Variants in MSRA observed in about 807,000 individuals in gnomAD.
MSRA encodes methionine sulfoxide reductase A, also known as mitochondrial peptide methionine sulfoxide reductase.
In MSRA, 54 loss-of-function variants were observed where a neutral mutation model predicts 31.3. The observed-to-expected ratio is 1.73, with a 90% CI of 1.39 to 2.17. The LOEUF is 2.17. Among genes scored for constraint, MSRA ranks in the 30% most tolerant of loss-of-function variants. MSRA has a pLI of 0.00. For missense variants in MSRA, 507 were observed against 300.9 expected, an observed-to-expected ratio of 1.69 and a Z score of -5.07; for synonymous variants, 169 against 116.5, an observed-to-expected ratio of 1.45 and a Z score of -2.90.
intron 4 of MSRA, among the ~76,000 whole-genome samples, chr8:10,302,654 G>A (rs2129126134): frequency 6.6e-6 from 1 of 152,320 alleles, no homozygotes; most frequent in African/African-American, 2.4e-5. Flanking sequence ...CAGAGATGAG[G>A]CAAGAGCAGC....
intron 1 of MSRA, among the ~76,000 whole-genome samples, chr8:10,104,332 A>G (rs1031724688): frequency 3.3e-5 from 5 of 152,200 alleles, no homozygotes; most frequent in Non-Finnish European, 7.3e-5. Flanking sequence ...TATTTTGCCA[A>G]GGTTAAGGAT....
chr8:10,389,927 C>T (rs555324168), intron 5 of MSRA, among the ~76,000 whole-genome samples: 4 of 152,102 alleles, frequency 2.6e-5, no homozygotes, highest in Admixed American at 6.5e-5. Flanking sequence ...CAGGCCCAAA[C>T]GGTCAGATTC....
chr8:10,058,020 G>A (rs749250060), intron 1 of MSRA, among the ~76,000 whole-genome samples: 4 of 152,212 alleles, frequency 2.6e-5, no homozygotes, highest in Non-Finnish European at 5.9e-5. Context: ...GTGGGATCAG[G>A]TGTTTGGGAT....
At chr8:10,403,413 G>A (rs1320433681) in intron 5 of MSRA, among the ~76,000 whole-genome samples, 2 of 152,190 alleles carry the variant, frequency 1.3e-5, no homozygotes, top group Non-Finnish European at 2.9e-5. Flanking sequence ...AAGCTGGGAT[G>A]ATGGGATCCC....
At chr8:10,420,984 G>A (rs1428688359) in intron 5 of MSRA, among the ~76,000 whole-genome samples, 1 of 151,856 alleles carries the variant, frequency 6.6e-6, no homozygotes, top group African/African-American at 2.4e-5. Context: ...GTGACAGAGT[G>A]AGACCCTGTC....
At chr8:10,294,965 C>T (rs1049042121) in intron 3 of MSRA, among the ~76,000 whole-genome samples, 14 of 152,114 alleles carry the variant, frequency 9.2e-5, no homozygotes, top group African/African-American at 2.9e-4. Flanking sequence ...GAAAGACCTT[C>T]CCTGAAACTG....
chr8:10,313,271 A>G (rs545402402), intron 4 of MSRA, among the ~76,000 whole-genome samples: 2 of 152,334 alleles, frequency 1.3e-5, no homozygotes, highest in South Asian at 2.1e-4. Flanking sequence ...CTTTGAAGCA[A>G]CATATTGAAG....
rs548657203 is a variant in MSRA, at chr8:10,371,748, G to A, written c.543+51759G>A. On this transcript the variant is annotated intron_variant, in intron 5 of 5. Coordinates refer to ENST00000317173, the MANE Select transcript of MSRA (RefSeq NM_012331.5). The stretch of plus-strand genomic sequence containing the variant: ...TGGTGTTGCAGTTCCTACCATGCAA[G>A]CATAACCACGTCTGCCTTCTCCGCT... Among the ~76,000 whole-genome samples the A allele has an allele frequency of 7.9e-5, 12 of 152,244 alleles. No homozygotes were observed. The East Asian group carries it at 2.3e-3, about 29-fold the overall frequency.
Position 10,202,391 on chromosome 8 carries a change from C to T in MSRA, c.143-5442C>T, listed in dbSNP as rs566299475. 8.5e-5 allele frequency among the ~76,000 whole-genome samples: 13 copies of T among 152,310 alleles called. No individual in the cohort carries two copies. The South Asian group carries it at 2.5e-3, about 29-fold the overall frequency. ...CAGATTTCCCCTTATTCTTTTATCC[C>T]TAGAGCAATATATAGTGTGGGGGAT... On this transcript the variant is annotated intron_variant, in intron 1 of 5. Coordinates refer to ENST00000317173, the MANE Select transcript of MSRA (RefSeq NM_012331.5).
At position 10,406,698 on chromosome 8, in the gene MSRA, G is replaced by C. The variant is rs868346617; in HGVS notation, c.544-21450G>C. On this transcript the variant is annotated intron_variant, in intron 5 of 5. Transcript: ENST00000317173. ...ACAAAAGGTGGGTTTTCACAGATAA[G>C]CCATATCTCCCCTGCTCTGTGCTTG... Among the ~76,000 whole-genome samples the C allele has an allele frequency of 3.3e-5, 5 of 152,162 alleles. No individual in the cohort carries two copies. The South Asian group carries it at 8.3e-4, about 25-fold the overall frequency.
chr8:10,161,738 G>A (rs1478680583), intron 1 of MSRA, among the ~76,000 whole-genome samples: 2 of 152,030 alleles, frequency 1.3e-5, no homozygotes, highest in Admixed American at 6.6e-5. Flanking sequence ...CTTGGGTCTC[G>A]GGGTGTCTGC....
intron 1 of MSRA, among the ~76,000 whole-genome samples, chr8:10,119,426 C>T (rs975324118): frequency 1.3e-5 from 2 of 152,090 alleles, no homozygotes; most frequent in African/African-American, 4.8e-5. Flanking sequence ...TTTCTGCTGG[C>T]GATTAAGTCC....
At chr8:10,333,140 G>A (rs1459922803) in intron 5 of MSRA, among the ~76,000 whole-genome samples, 1 of 152,128 alleles carries the variant, frequency 6.6e-6, no homozygotes, top group Non-Finnish European at 1.5e-5. Context: ...AATAATCCTG[G>A]CCAACATAGG....
rs565698105 is a variant in MSRA, at chr8:10,335,084, C to T, written c.543+15095C>T. Among the ~76,000 whole-genome samples the T allele has an allele frequency of 2.5e-4, 38 of 152,278 alleles. No homozygotes were observed. The East Asian group carries it at 7.0e-3, about 28-fold the overall frequency. On this transcript the variant is annotated intron_variant, in intron 5 of 5. Transcript: ENST00000317173. The stretch of plus-strand genomic sequence containing the variant: ...ATGGTGCGTTGCAGGACGGGCCGGG[C>T]GCAGGGACCGCCCCCCGCACCGTGC...
At chr8:10,226,884 C>T (rs4394398) in intron 2 of MSRA, among the ~76,000 whole-genome samples, 40,093 of 152,048 alleles carry the variant, frequency 0.26, 7,037 homozygotes, top group Non-Finnish European at 0.4. Flanking sequence ...TCTTCTGGAC[C>T]GTGGTGCTAC....
chr8:10,301,388 C>G (rs1027976708), intron 3 of MSRA, 146 bp from the exon 4 acceptor site: 11 of 620,006 alleles, frequency 1.8e-5, no homozygotes, highest in Admixed American at 8.7e-5. Context: ...TTGAGAGAGA[C>G]TCTTAGCTAA....
chr8:10,171,682 G>C (rs1292882061), intron 1 of MSRA, among the ~76,000 whole-genome samples: 1 of 152,180 alleles, frequency 6.6e-6, no homozygotes. Flanking sequence ...TATATTACTG[G>C]AAAAAGCTAA....
At chr8:10,068,989 G>C (rs1195327535) in intron 1 of MSRA, among the ~76,000 whole-genome samples, 1 of 152,072 alleles carries the variant, frequency 6.6e-6, no homozygotes, top group Admixed American at 6.5e-5. Context: ...TAGGGATCTT[G>C]CACATATTTT....
At chr8:10,126,697 A>T (rs1266162862) in intron 1 of MSRA, among the ~76,000 whole-genome samples, 1 of 152,060 alleles carries the variant, frequency 6.6e-6, no homozygotes, top group African/African-American at 2.4e-5. Context: ...ATTTTTTAGT[A>T]GAGGTGGGAT....
Sources: gnomAD v4.1 joint callset for allele counts (sites outside exome capture counted in the v4.1 genomes callset) on GRCh38, gnomAD v4.1.1 for gene constraint, MANE v1.5 for transcripts, NCBI Gene and HGNC (gene_info 2026-07-23, HGNC 2026-07-21) for gene names.